The following SLCO2B1 variants were observed in gnomAD, a reference collection of about 807,000 sequenced individuals.
SLCO2B1 encodes solute carrier organic anion transporter family member 2B1, also known as OATP-RP2.
SLCO2B1 carries 41 observed loss-of-function variants against 67.3 expected under a neutral mutation model. The ratio of observed to expected loss-of-function variants is 0.61; its 90% CI spans 0.47 to 0.79. The LOEUF (loss-of-function observed/expected upper bound fraction) is 0.79, where lower values mean the gene tolerates loss of function less well. Ranked by LOEUF, SLCO2B1 falls within the 30% of genes least tolerant of loss-of-function variation. The pLI is 0.00. For missense variants in SLCO2B1, 837 were observed against 920.1 expected, an observed-to-expected ratio of 0.91 and a Z score of 1.17; for synonymous variants, 379 against 381.4, an observed-to-expected ratio of 0.99 and a Z score of 0.07.
rs1030715521 is a variant in SLCO2B1 at position 75,193,733 on chromosome 11, G to A, written c.1433+158G>A. Among the ~76,000 whole-genome samples, 1 of 152,230 alleles carries A rather than the reference G, an allele frequency of 6.6e-6. No individual in the cohort carries two copies. The highest frequency in any genetic ancestry group is 1.5e-5 in the Non-Finnish European group (1 of 68,032). ...CCTTTAGAGATTCGAGTCAAGCAGTGGGGTGCTCCAGAAGGCTCCAGGGTA... is the reference window on the plus strand; with the variant it reads ...CCTTTAGAGATTCGAGTCAAGCAGTAGGGTGCTCCAGAAGGCTCCAGGGTA... On this transcript the variant is annotated intron_variant, in intron 9 of 13. Transcript: ENST00000289575. The surrounding 1 kb of genome is among the most constrained non-coding windows in gnomAD (Gnocchi z 4.2).
chr11:75,153,986 C>T (rs865916960), intron 1 of SLCO2B1, among the ~76,000 whole-genome samples: 4 of 146,202 alleles, frequency 2.7e-5, no homozygotes, highest in East Asian at 2.1e-4. Context: ...AGGGCAATGG[C>T]GCCATCTCGG....
rs41302435 is a variant in SLCO2B1, at chr11:75,165,964, G to A, written c.448+15G>A. The A allele has an allele frequency of 0.011, 18,500 of 1,609,548 alleles. 152 individuals are homozygous for A. Among genetic ancestry groups the A allele is most frequent in the Middle Eastern group, 0.013 (74 of 5,898 alleles). On this transcript the variant is annotated intron_variant, in intron 4 of 13. Transcript: ENST00000289575. The stretch of plus-strand genomic sequence containing the variant: ...CACCAGCCCTGGTAAGAGCAGCAGG[G>A]GCTGGGCAGGAGTGGGACGTTAGCC...
chr11:75,160,711 G>A (rs74666078), intron 1 of SLCO2B1, among the ~76,000 whole-genome samples: 29 of 152,236 alleles, frequency 1.9e-4, no homozygotes, highest in East Asian at 1.7e-3. Flanking sequence ...TTTATGCCCC[G>A]CAGAGGGACT....
chr11:75,154,028 C>G (rs1406692528), intron 1 of SLCO2B1, among the ~76,000 whole-genome samples: 2 of 149,244 alleles, frequency 1.3e-5, no homozygotes, highest in Non-Finnish European at 3.0e-5. Context: ...CGGGTTCAAA[C>G]GATTCCCCTG....
Position 75,193,685 on chromosome 11 carries a change from C to T in SLCO2B1, c.1433+110C>T. On this transcript the variant is annotated intron_variant, in intron 9 of 13. Transcript: ENST00000289575. The surrounding 1 kb of genome is among the most constrained non-coding windows in gnomAD (Gnocchi z 4.2). ...AGGGCAACCCCTGCCTCAAATCTTG[C>T]CTCCCCAGTTCTGCTTAACAGCCCT... 1.0e-6 allele frequency: 1 copy of T among 982,906 alleles called. No homozygotes were observed. Among genetic ancestry groups the T allele is most frequent in the Non-Finnish European group, 1.5e-6 (1 of 678,490 alleles). The allele number at this position is 982,906 out of a possible 1,614,324, so 60.9% of individuals were successfully genotyped here. A position where few individuals can be genotyped will look rare whatever the true frequency, so the allele number is the denominator to read the frequency against.
rs1047200579 is a variant in SLCO2B1, at chr11:75,196,512, A to G, written c.1434-2A>G. 6 of 1,612,800 alleles carry G rather than the reference A, an allele frequency of 3.7e-6. No homozygotes were observed. Among genetic ancestry groups the G allele is most frequent in the Non-Finnish European group, 3.4e-6 (4 of 1,179,378 alleles). ...AACCCTACTGGTCTTCTCTCCCACCAGTGCCCACCCTGGGCTGGAGCTGTC... is the reference window on the plus strand; with the variant it reads ...AACCCTACTGGTCTTCTCTCCCACCGGTGCCCACCCTGGGCTGGAGCTGTC... On this transcript the variant is annotated splice_acceptor_variant, in intron 9 of 13. Coordinates refer to ENST00000289575, the MANE Select transcript of SLCO2B1 (RefSeq NM_007256.5). LOFTEE classifies it high-confidence loss of function.
rs550723956 is a variant in SLCO2B1, at chr11:75,182,505, T to A, written c.973-5631T>A. Among the ~76,000 whole-genome samples, 3 of 152,180 alleles carry A rather than the reference T, an allele frequency of 2.0e-5. No individual in the cohort carries two copies. In the South Asian group the frequency reaches 6.2e-4, roughly 31 times the overall value. ...CGCCTGTAATCTCAGCACTTTGGGA[T>A]GCCAAGGCGGCCAGATCACCCGAGG... On this transcript the variant is annotated intron_variant, in intron 7 of 13. Transcript: ENST00000289575.
chr11:75,170,975 C>T (rs1949951842), intron 6 of SLCO2B1, among the ~76,000 whole-genome samples: 1 of 152,160 alleles, frequency 6.6e-6, no homozygotes, highest in Non-Finnish European at 1.5e-5. Flanking sequence ...GGGGATTTCA[C>T]AGGGTGGGCA....
chr11:75,165,824 T>G lies in SLCO2B1; in HGVS notation c.323T>G (p.Phe108Cys). ...GCCTTGATTGTGTTTGTGAGCTATT[T>G]TGGCAGCCGGGTGCACCGACCCCGA... is the stretch of plus-strand genomic sequence containing the variant. ...NTALIVFVSY[F>C]GSRVHRPRMI... The change falls in exon 4 of 14, where the codon TTT becomes TGT. Residue 108 changes from phenylalanine (F) to cysteine (C), a missense_variant. Transcript: ENST00000289575. The G allele has an allele frequency of 3.7e-6, 6 of 1,614,174 alleles. No individual in the cohort carries two copies. Among genetic ancestry groups the G allele is most frequent in the Non-Finnish European group, 5.1e-6 (6 of 1,180,010 alleles).
intron 7 of SLCO2B1, 85 bp from the exon 8 acceptor site, chr11:75,188,051 A>T (rs1944963861): frequency 1.2e-6 from 1 of 848,700 alleles, no homozygotes; most frequent in African/African-American, 1.7e-5. Context: ...CTCCTCTCCA[A>T]GACCTCTCCT....
At chr11:75,166,097 C>T in intron 4 of SLCO2B1, 148 bp downstream of exon 4, 1 of 944,584 alleles carries the variant, frequency 1.1e-6, no homozygotes, top group Non-Finnish European at 1.5e-6. Flanking sequence ...CAACCTGGCT[C>T]CCCAGGCCCC....
chr11:75,202,182 G>A (rs1945191732), intron 11 of SLCO2B1: 1 of 152,182 alleles, frequency 6.6e-6, no homozygotes, highest in Non-Finnish European at 1.5e-5. Context: ...GAAATTAGAA[G>A]GGAAATGGAG....
chr11:75,178,444 T>C (rs1232503603), intron 7 of SLCO2B1, among the ~76,000 whole-genome samples: 1 of 152,268 alleles, frequency 6.6e-6, no homozygotes, highest in Non-Finnish European at 1.5e-5. Context: ...GTGCCTTTTT[T>C]CTAAACTTGT....
chr11:75,178,016 C>T (rs1221499364), intron 7 of SLCO2B1, among the ~76,000 whole-genome samples: 2 of 151,596 alleles, frequency 1.3e-5, no homozygotes, highest in African/African-American at 4.9e-5. Flanking sequence ...ATCACTAGAA[C>T]CTGGGAGGCA....
At chr11:75,195,873 G>T (rs543781991) in intron 9 of SLCO2B1, among the ~76,000 whole-genome samples, 1 of 152,156 alleles carries the variant, frequency 6.6e-6, no homozygotes, top group African/African-American at 2.4e-5. Flanking sequence ...CTCCCCCTCA[G>T]ACTAAGCCTC....
intron 7 of SLCO2B1, 104 bp downstream of exon 7, chr11:75,172,673 T>A (rs1455477449): frequency 2.7e-5 from 29 of 1,062,294 alleles, no homozygotes; most frequent in Non-Finnish European, 3.7e-5. Context: ...CTCACATCTG[T>A]AGTTCCAGCA....
At chr11:75,158,872 C>G (rs926831434) in intron 1 of SLCO2B1, among the ~76,000 whole-genome samples, 1 of 152,168 alleles carries the variant, frequency 6.6e-6, no homozygotes, top group Non-Finnish European at 1.5e-5. Context: ...GAGGCAGAAT[C>G]CTGGGCCTTT....
chr11:75,193,749 C>T lies in SLCO2B1; in HGVS notation c.1433+174C>T, dbSNP rs1437190866. ...TCAAGCAGTGGGGTGCTCCAGAAGG[C>T]TCCAGGGTAGGTGTCAGGCACCACT... On this transcript the variant is annotated intron_variant, in intron 9 of 13. Coordinates refer to ENST00000289575, the MANE Select transcript of SLCO2B1 (RefSeq NM_007256.5). The surrounding 1 kb of genome is among the most constrained non-coding windows in gnomAD (Gnocchi z 4.2). 6.6e-6 allele frequency among the ~76,000 whole-genome samples: 1 copy of T among 152,226 alleles called. No individual in the cohort carries two copies. Among genetic ancestry groups the T allele is most frequent in the East Asian group, 1.9e-4 (1 of 5,182 alleles).
At chr11:75,175,003 C>T (rs576199801) in intron 7 of SLCO2B1, among the ~76,000 whole-genome samples, 4 of 152,104 alleles carry the variant, frequency 2.6e-5, no homozygotes, top group Non-Finnish European at 5.9e-5. Flanking sequence ...GTCCTTGAGT[C>T]GGAGCTGCTA....
Sources: allele counts gnomAD v4.1 joint callset (sites outside exome capture counted in the v4.1 genomes callset), GRCh38; gene constraint gnomAD v4.1.1; non-coding constraint Gnocchi (gnomAD v3.1); transcripts MANE v1.5; gene names NCBI Gene and HGNC (gene_info 2026-07-23, HGNC 2026-07-21).